Variants in ARFGEF2 observed in about 807,000 individuals in gnomAD.
The protein encoded by ARFGEF2 is ARF guanine nucleotide exchange factor 2, also known as brefeldin A-inhibited guanine nucleotide-exchange protein 2.
ARFGEF2 carries 74 observed loss-of-function variants against 219.9 expected under a neutral mutation model. The observed-to-expected ratio is 0.34, with a 90% CI of 0.28 to 0.41. ARFGEF2 has a LOEUF of 0.41. Among genes scored for constraint, ARFGEF2 ranks in the 10% least tolerant of loss-of-function variants. The pLI, the probability that ARFGEF2 is intolerant of heterozygous loss-of-function variation, is 1.00. For synonymous variants in ARFGEF2, 733 were observed against 799.2 expected (o/e 0.92, Z 1.40); for missense variants, 1,743 against 2,218.3 (o/e 0.79, Z 4.30).
At chr20:48,940,273 T>C (rs531751322) in intron 1 of ARFGEF2, among the ~76,000 whole-genome samples, 2 of 152,360 alleles carry the variant, frequency 1.3e-5, no homozygotes, top group South Asian at 4.1e-4. Context: ...GTGAATGTAC[T>C]TAATGCCATT....
intron 10 of ARFGEF2, among the ~76,000 whole-genome samples, chr20:48,971,578 A>G (rs1293740870): frequency 2.0e-5 from 3 of 152,160 alleles, no homozygotes; most frequent in African/African-American, 7.2e-5. Context: ...AACTTTTTGA[A>G]TGAGTAAGAG....
chr20:48,937,669 A>C (rs1254675177), intron 1 of ARFGEF2, among the ~76,000 whole-genome samples: 1 of 152,240 alleles, frequency 6.6e-6, no homozygotes, highest in Non-Finnish European at 1.5e-5. Context: ...TAGGATTTGC[A>C]ACTGGAGTTT....
At chr20:48,987,913 G>A (rs529559651) in intron 16 of ARFGEF2, among the ~76,000 whole-genome samples, 19 of 152,008 alleles carry the variant, frequency 1.2e-4, no homozygotes, top group African/African-American at 4.3e-4. Context: ...TCAGTCTCCC[G>A]AATAGCTGGG....
chr20:48,973,085 A>T, intron 11 of ARFGEF2, 60 bp from the exon 12 acceptor site: 1 of 1,603,178 alleles, frequency 6.2e-7, no homozygotes, highest in Non-Finnish European at 8.5e-7. Context: ...ATCTTGTTTG[A>T]TAAGAAAACC....
chr20:48,998,953 T>C (rs2091408088), intron 25 of ARFGEF2, among the ~76,000 whole-genome samples: 1 of 152,200 alleles, frequency 6.6e-6, no homozygotes, highest in African/African-American at 2.4e-5. Flanking sequence ...AAATTAATAT[T>C]TGGGCCGGGC....
intron 23 of ARFGEF2, among the ~76,000 whole-genome samples, chr20:48,996,753 A>G (rs1423175198): frequency 6.6e-6 from 1 of 151,320 alleles, no homozygotes; most frequent in Non-Finnish European, 1.5e-5. Flanking sequence ...AAAAAAAAAA[A>G]AAAAAAGCCT....
At chr20:48,945,709 A>C (rs2123329841) in intron 3 of ARFGEF2, among the ~76,000 whole-genome samples, 1 of 152,320 alleles carries the variant, frequency 6.6e-6, no homozygotes, top group African/African-American at 2.4e-5. Context: ...AAGTAAAAAT[A>C]AAAAGTTAGC....
In ARFGEF2 at chr20:48,975,931, A is replaced by G. The variant is rs192110040; in HGVS notation, c.1775-85A>G. The G allele has an allele frequency of 4.5e-6, 6 of 1,336,946 alleles. No homozygotes were observed. The Admixed American group carries it at 5.4e-5, about 12-fold the overall frequency. The allele number at this position is 1,336,946 out of a possible 1,614,324, so 82.8% of individuals were successfully genotyped here. A position where few individuals can be genotyped will look rare whatever the true frequency, so the allele number is the denominator to read the frequency against. ...ACTTGTTGCTATTACAGGTTTGGGA[A>G]AGGGAGCCGTGCAGCCAGACCTAGC... is the stretch of plus-strand genomic sequence containing the variant. On this transcript the variant is annotated intron_variant, in intron 13 of 38. Transcript: ENST00000371917.
At chr20:49,019,067 A>G (rs2091548353) in intron 34 of ARFGEF2, 69 bp downstream of exon 34, 3 of 1,312,694 alleles carry the variant, frequency 2.3e-6, no homozygotes, top group East Asian at 2.5e-5. Context: ...CAGAAGGCAC[A>G]AAAGGGTAAA....
intron 1 of ARFGEF2, among the ~76,000 whole-genome samples, chr20:48,933,670 C>T (rs1196268452): frequency 6.6e-6 from 1 of 151,978 alleles, no homozygotes; most frequent in Admixed American, 6.6e-5. Flanking sequence ...ATTTATTGAC[C>T]ACCTGCTGTG....
intron 20 of ARFGEF2, among the ~76,000 whole-genome samples, chr20:48,990,196 A>AT (rs1274039673): frequency 1.3e-5 from 2 of 152,096 alleles, no homozygotes; most frequent in Non-Finnish European, 1.5e-5. Context: ...AATAATAATA[A>AT]TAATAATAGG....
In ARFGEF2 at chr20:48,961,224, A is replaced by G. The variant is rs73611314; in HGVS notation, c.839-2606A>G. ...ATAGCACCTAGTTTAAAACAAACAC[A>G]TGGTACAGATGCACAAAAATATTTT... On this transcript the variant is annotated intron_variant, in intron 6 of 38. Coordinates refer to ENST00000371917, the MANE Select transcript of ARFGEF2 (RefSeq NM_006420.3). 1.3e-3 allele frequency among the ~76,000 whole-genome samples: 203 copies of G among 151,876 alleles called. 1 individual carries two copies. The highest frequency in any genetic ancestry group is 9.4e-3 in the East Asian group (49 of 5,186).
intron 6 of ARFGEF2, among the ~76,000 whole-genome samples, chr20:48,960,421 C>G (rs576072693): frequency 1.3e-5 from 2 of 152,090 alleles, no homozygotes; most frequent in African/African-American, 4.8e-5. Context: ...GGGACATGAC[C>G]GTATGCCACT....
At chr20:48,943,942 G>C (rs537519296) in intron 3 of ARFGEF2, among the ~76,000 whole-genome samples, 5 of 152,310 alleles carry the variant, frequency 3.3e-5, no homozygotes, top group African/African-American at 9.6e-5. Flanking sequence ...GTGATTGATT[G>C]GTTTTATCTA....
At chr20:48,998,605 G>T in intron 25 of ARFGEF2, 100 bp downstream of exon 25, 4 of 1,239,196 alleles carry the variant, frequency 3.2e-6, no homozygotes, top group Non-Finnish European at 3.4e-6. Context: ...CTGTTTTTTA[G>T]ATGCCTCTAA....
At chr20:48,974,043 C>A (rs1301437927) in intron 12 of ARFGEF2, among the ~76,000 whole-genome samples, 1 of 150,548 alleles carries the variant, frequency 6.6e-6, no homozygotes, top group Admixed American at 6.6e-5. Context: ...GAGTCACTTA[C>A]AGCATAATTC....
chr20:49,021,562 T>C (rs1036171190), intron 34 of ARFGEF2, among the ~76,000 whole-genome samples: 7 of 151,764 alleles, frequency 4.6e-5, no homozygotes, highest in African/African-American at 1.5e-4. Context: ...TTAAGAATTG[T>C]TGGGGCCGGG....
Position 49,010,319 on chromosome 20 carries a change from C to T in ARFGEF2, c.3672C>T (p.Asn1224=), listed in dbSNP as rs749507694. The T allele has an allele frequency of 6.2e-7, 1 of 1,614,170 alleles. No individual in the cohort carries two copies. Among genetic ancestry groups the T allele is most frequent in the Non-Finnish European group, 8.5e-7 (1 of 1,179,982 alleles). The change falls in exon 27 of 39, where the codon AAC becomes AAT. Residue 1224 remains asparagine (N), a synonymous_variant. Transcript: ENST00000371917. ...QAANIRSGWK[N]IFAVFHQAAS... is the part of the protein sequence containing the mutation. ...CCAACATCCGCTCAGGTTGGAAGAA[C>T]ATCTTTGCCGTGTTCCACCAGGCAG...
intron 3 of ARFGEF2, among the ~76,000 whole-genome samples, chr20:48,950,812 ATATATATATATATAT>A (rs1173966562): frequency 6.8e-5 from 3 of 43,992 alleles, no homozygotes; most frequent in African/African-American, 3.0e-4. Context: ...AAAAAAAAAA[ATATATATATATATAT>A]ATATATATAT....
Sources: gnomAD v4.1 joint callset for allele counts (sites outside exome capture counted in the v4.1 genomes callset) on GRCh38, gnomAD v4.1.1 for gene constraint, MANE v1.5 for transcripts, NCBI Gene and HGNC (gene_info 2026-07-23, HGNC 2026-07-21) for gene names.